MORN3: variants seen among roughly 807,000 people sequenced by gnomAD.
The protein encoded by MORN3 is MORN repeat-containing protein 3.
MORN3 carries 38 observed loss-of-function variants against 34.7 expected under a neutral mutation model. The observed-to-expected ratio is 1.10, with a 90% CI of 0.85 to 1.44. MORN3 has a LOEUF of 1.44. Ranked by LOEUF, MORN3 falls within the 40% of genes most tolerant of loss-of-function variation. The pLI is 0.00. For missense variants in MORN3, 311 were observed against 321.7 expected (o/e 0.97, Z 0.25); for synonymous variants, 109 against 115.3 (o/e 0.95, Z 0.35).
chr12:121,653,405 C>T, intron 3 of MORN3, 146 bp from the exon 4 acceptor site: 1 of 845,234 alleles, frequency 1.2e-6, no homozygotes, highest in Non-Finnish European at 1.8e-6. Flanking sequence ...TCAAGACCAG[C>T]CTGAGCAACA....
intron 2 of MORN3, among the ~76,000 whole-genome samples, chr12:121,658,120 G>A (rs569518813): frequency 1.3e-5 from 2 of 152,088 alleles, no homozygotes; most frequent in African/African-American, 4.8e-5. Context: ...ACTGATTTGA[G>A]TAATAATACA....
rs1471270006 is a variant in MORN3, at chr12:121,650,561, G to A, written c.*1090C>T. ...AAAAAAAAAAAAAAAGGCCAGGCTC[G>A]ATGGCTCACACCTGTAATCCCAGCA... is the stretch of plus-strand genomic sequence containing the variant. On this transcript the variant is annotated 3_prime_UTR_variant, in exon 6 of 6. Transcript: ENST00000355329. 8.3e-6 allele frequency: 1 copy of A among 119,768 alleles called. No homozygotes were observed. Among genetic ancestry groups the A allele is most frequent in the South Asian group, 2.8e-4 (1 of 3,568 alleles). The allele number at this position is 119,768 out of a possible 1,614,324, so 7.4% of individuals were successfully genotyped here. A position where few individuals can be genotyped will look rare whatever the true frequency, so the allele number is the denominator to read the frequency against.
At chr12:121,670,813 A>C (rs1893939488), upstream of MORN3, among the ~76,000 whole-genome samples, 1 of 148,338 alleles carries the variant, frequency 6.7e-6, no homozygotes, top group Admixed American at 6.8e-5. Context: ...AGTCTTAAAA[A>C]ATAATAATAA....
intron 1 of MORN3, among the ~76,000 whole-genome samples, chr12:121,659,625 C>T (rs962985233): frequency 6.6e-6 from 1 of 151,580 alleles, no homozygotes; most frequent in African/African-American, 2.4e-5. Context: ...ACCTCTGCCT[C>T]CCGGGTTCAG....
At chr12:121,651,990 G>A (rs1441505348) in intron 5 of MORN3, among the ~76,000 whole-genome samples, 1 of 152,158 alleles carries the variant, frequency 6.6e-6, no homozygotes, top group Non-Finnish European at 1.5e-5. Context: ...AGACTGGAGT[G>A]CAGTGGCACA....
Position 121,649,616 on chromosome 12 carries a change from G to T in MORN3, c.*2035C>A, listed in dbSNP as rs1354923671. On this transcript the variant is annotated 3_prime_UTR_variant, in exon 6 of 6. Coordinates refer to ENST00000355329, the MANE Select transcript of MORN3 (RefSeq NM_173855.5). Reference sequence around the variant, plus strand: ...AGGGGGCAGAGAGAACCTCAGTAAGGTCAGTGGTGTTTATTGAGGCTTTAC... The same window carrying T: ...AGGGGGCAGAGAGAACCTCAGTAAGTTCAGTGGTGTTTATTGAGGCTTTAC... 4 of 152,038 alleles carry T rather than the reference G, an allele frequency of 2.6e-5. No individual in the cohort carries two copies. The highest frequency in any genetic ancestry group is 5.9e-5 in the Non-Finnish European group (4 of 68,028). 9.4% of individuals were successfully genotyped at this position (152,038 alleles called of 1,614,324 possible). A position where few individuals can be genotyped will look rare whatever the true frequency, so the allele number is the denominator to read the frequency against.
At position 121,654,410 on chromosome 12, in the gene MORN3, T is replaced by A. The variant is rs1475524231; in HGVS notation, c.327A>T (p.Gly109=). ...AGTCACCCTCATAATACTCCTTGGG[T>A]CCGAAAAACTGGATCCCATAACCCT... ...KKSGYGIQFF[G]PKEYYEGDWC... is the part of the protein sequence containing the mutation. The change falls in exon 3 of 6, where the codon GGA becomes GGT. Residue 109 remains glycine, a synonymous_variant. Transcript: ENST00000355329. 6 of 1,595,892 alleles carry A rather than the reference T, an allele frequency of 3.8e-6. No individual in the cohort carries two copies. Among genetic ancestry groups the A allele is most frequent in the Non-Finnish European group, 5.1e-6 (6 of 1,171,462 alleles).
chr12:121,668,860 T>C (rs909512348), intron 1 of MORN3, among the ~76,000 whole-genome samples: 68 of 152,304 alleles, frequency 4.5e-4, no homozygotes, highest in African/African-American at 1.6e-3. Flanking sequence ...CTTTGCCCCC[T>C]GCTGGTCAGA....
In MORN3 at chr12:121,654,434, C is replaced by A. The variant is rs782770045; in HGVS notation, c.304-1G>T. 1 of 1,585,468 alleles carries A rather than the reference C, an allele frequency of 6.3e-7. No individual in the cohort carries two copies. Among genetic ancestry groups the A allele is most frequent in the Non-Finnish European group, 8.6e-7 (1 of 1,165,536 alleles). On this transcript the variant is annotated splice_acceptor_variant, in intron 2 of 5. Transcript: ENST00000355329. LOFTEE classifies it high-confidence loss of function. The stretch of plus-strand genomic sequence containing the variant: ...GTCCGAAAAACTGGATCCCATAACC[C>A]TGAAAGTACGAAGATGCTACTACTC...
At chr12:121,662,615 A>G (rs1893616699) in intron 1 of MORN3, among the ~76,000 whole-genome samples, 1 of 151,998 alleles carries the variant, frequency 6.6e-6, no homozygotes, top group South Asian at 2.1e-4. Flanking sequence ...TTAGCTGGGC[A>G]TGGTGGTGAG....
At chr12:121,654,908 G>A (rs1893370905) in intron 2 of MORN3, among the ~76,000 whole-genome samples, 1 of 151,874 alleles carries the variant, frequency 6.6e-6, no homozygotes, top group African/African-American at 2.4e-5. Context: ...ATAATGTCTT[G>A]AAGGATCTCC....
chr12:121,652,313 A>G (rs2136865120), intron 5 of MORN3, among the ~76,000 whole-genome samples: 1 of 151,998 alleles, frequency 6.6e-6, no homozygotes, highest in Non-Finnish European at 1.5e-5. Context: ...AGCTCACTGC[A>G]ACCTTCACCT....
chr12:121,660,674 T>C (rs565133870), intron 1 of MORN3, among the ~76,000 whole-genome samples: 11 of 149,684 alleles, frequency 7.3e-5, no homozygotes, highest in Non-Finnish European at 1.2e-4. Context: ...TTCTTTCTTT[T>C]TTTTTTTTTT....
At chr12:121,670,272 C>T (rs1240774228), upstream of MORN3, among the ~76,000 whole-genome samples, 1 of 152,162 alleles carries the variant, frequency 6.6e-6, no homozygotes, top group East Asian at 1.9e-4. Flanking sequence ...ATAGGCAGAG[C>T]AAAAGCTGGG....
Position 121,659,205 on chromosome 12 carries a change from C to T in MORN3, c.289G>A (p.Gly97Ser). The change falls in exon 2 of 6, where the codon GGT (glycine) becomes AGT (serine). Residue 97 changes from glycine to serine, a missense_variant. Gly to Ser is a moderately conservative substitution (Grantham distance 56). Transcript: ENST00000355329. ...GGCCTGCTCACCGATTTCTTATCAC[C>T]TTTCCACCAGCCTGAGTAGACTCTC... Reference protein sequence around the residue: ...CRRVYSGWWKGDKKSGYGIQF... With the variant: ...CRRVYSGWWKSDKKSGYGIQF... The T allele has an allele frequency of 4.3e-6, 7 of 1,613,490 alleles. No individual in the cohort carries two copies. The highest frequency in any genetic ancestry group is 5.9e-6 in the Non-Finnish European group (7 of 1,179,636).
Position 121,662,972 on chromosome 12 carries a change from C to T in MORN3, c.146-3624G>A, listed in dbSNP as rs774728523. On this transcript the variant is annotated intron_variant, in intron 1 of 5. Coordinates refer to ENST00000355329, the MANE Select transcript of MORN3 (RefSeq NM_173855.5). The stretch of plus-strand genomic sequence containing the variant: ...ACCGCCCTCCAGCCTGGCAACAGAG[C>T]GGGACTCCGTCTCAAAAAGACAAAA... Among the ~76,000 whole-genome samples, 73 of 152,042 alleles carry T rather than the reference C, an allele frequency of 4.8e-4. No homozygotes were observed. The Middle Eastern group carries it at 0.01, about 21-fold the overall frequency.
intron 1 of MORN3, 51 bp from the exon 2 acceptor site, chr12:121,659,399 G>C (rs2720032): frequency 0.048 from 76,410 of 1,600,484 alleles, 2,252 homozygotes; most frequent in Non-Finnish European, 0.057. Flanking sequence ...CGGGGGGTGG[G>C]GGTGGTGTGC....
rs763782459 is a variant in MORN3 at position 121,659,156 on chromosome 12, CA to C, written c.303+34del. The C allele has an allele frequency of 1.1e-5, 18 of 1,605,784 alleles. No individual in the cohort carries two copies. The African/African-American group carries it at 2.0e-4, about 18-fold the overall frequency. ...ACGCGCGCACACACACACACACACA[CA>C]CACACACACACCCCGGCTGGCAGGC... On this transcript the variant is annotated intron_variant, in intron 2 of 5. Coordinates refer to ENST00000355329, the MANE Select transcript of MORN3 (RefSeq NM_173855.5).
chr12:121,655,697 CA>C (rs1893396030), intron 2 of MORN3, among the ~76,000 whole-genome samples: 1 of 149,030 alleles, frequency 6.7e-6, no homozygotes, highest in Non-Finnish European at 1.5e-5. Context: ...GGCAACAGAG[CA>C]AGACTGTCTC....
Sources: allele counts gnomAD v4.1 joint callset (sites outside exome capture counted in the v4.1 genomes callset), GRCh38; gene constraint gnomAD v4.1.1; transcripts MANE v1.5; gene names NCBI Gene and HGNC (gene_info 2026-07-23, HGNC 2026-07-21).